Variants in MELK observed in about 807,000 individuals in gnomAD.
MELK encodes the protein maternal embryonic leucine zipper kinase.
A neutral mutation model predicts 85.0 loss-of-function variants in MELK; 81 were observed. That is an observed-to-expected ratio of 0.95 (90% CI 0.80 to 1.15). MELK has a LOEUF of 1.15. Ranked by LOEUF, MELK falls within the 50% of genes most tolerant of loss-of-function variation. The pLI is 0.00. For synonymous variants in MELK, 252 were observed against 265.0 expected (o/e 0.95, Z 0.48); for missense variants, 754 against 777.5 (o/e 0.97, Z 0.36).
chr9:36,657,858 C>T (rs1341226817), intron 13 of MELK, among the ~76,000 whole-genome samples: 1 of 152,214 alleles, frequency 6.6e-6, no homozygotes, highest in Non-Finnish European at 1.5e-5. Flanking sequence ...GCTGGGATTA[C>T]AGGCGTGAGC....
chr9:36,669,237 T>G, intron 14 of MELK, 73 bp from the exon 15 acceptor site: 1 of 952,720 alleles, frequency 1.0e-6, no homozygotes, highest in Non-Finnish European at 1.6e-6. Context: ...ATACCTGCAT[T>G]ATTATTAATA....
At chr9:36,617,062 A>T (rs959913195) in intron 8 of MELK, among the ~76,000 whole-genome samples, 3 of 152,164 alleles carry the variant, frequency 2.0e-5, no homozygotes, top group African/African-American at 7.2e-5. Context: ...GTACATTGTG[A>T]ATATAATAAA....
At chr9:36,676,307 C>T (rs1361313504) in intron 17 of MELK, among the ~76,000 whole-genome samples, 1 of 152,182 alleles carries the variant, frequency 6.6e-6, no homozygotes, top group Non-Finnish European at 1.5e-5. Context: ...ATCTGTGGAA[C>T]AGCACTTAAT....
chr9:36,576,619 C>T (rs1226592986), intron 1 of MELK, among the ~76,000 whole-genome samples: 2 of 152,142 alleles, frequency 1.3e-5, no homozygotes, highest in East Asian at 3.9e-4. Context: ...GCAACCTCCA[C>T]CTCCTGGGTT....
In MELK at chr9:36,615,071, A is replaced by AC. The variant is rs1321109637; in HGVS notation, c.666+7408dup. Among the ~76,000 whole-genome samples, 461 of 60,448 alleles carry AC rather than the reference A, an allele frequency of 7.6e-3. 44 individuals are homozygous for AC. The highest frequency in any genetic ancestry group is 0.022 in the African/African-American group (205 of 9,126). The allele number at this position is 60,448 out of a possible 152,430, so 39.7% of individuals were successfully genotyped here. On this transcript the variant is annotated intron_variant, in intron 8 of 17. Coordinates refer to ENST00000298048, the MANE Select transcript of MELK (RefSeq NM_014791.4). ...GGCAGCTGGCCGGGCGGGGGGGCTG[A>AC]CCCCCCCCCCACCTCCCTCCCGGAC...
At chr9:36,617,428 G>A (rs1826946972) in intron 8 of MELK, among the ~76,000 whole-genome samples, 1 of 151,726 alleles carries the variant, frequency 6.6e-6, no homozygotes, top group African/African-American at 2.4e-5. Context: ...AATTTCCTGG[G>A]CTCAAGTGAT....
chr9:36,581,730 A>G lies in MELK; in HGVS notation c.49A>G (p.Ile17Val). 1.3e-6 allele frequency: 2 copies of G among 1,592,566 alleles called. No individual in the cohort carries two copies. The highest frequency in any genetic ancestry group is 1.7e-6 in the Non-Finnish European group (2 of 1,161,550). ...CAAATATTATGAATTACATGAAACT[A>G]TTGGGACAGGTAATTGTTATTTTTT... ...LLKYYELHET[I>V]GTGGFAKVKL... Residue 17 changes from isoleucine (I) to valine (V), a missense_variant, in exon 2 of 18, where the codon ATT becomes GTT. Ile to Val is a conservative substitution (Grantham distance 29). Transcript: ENST00000298048.
intron 11 of MELK, among the ~76,000 whole-genome samples, chr9:36,650,775 C>G (rs1239107717): frequency 6.6e-6 from 1 of 152,176 alleles, no homozygotes; most frequent in Non-Finnish European, 1.5e-5. Context: ...TGAAAGGAAT[C>G]CCTAGACTGA....
intron 15 of MELK, 30 bp from the exon 16 acceptor site, chr9:36,670,968 A>C: frequency 6.3e-7 from 1 of 1,587,328 alleles, no homozygotes; most frequent in Non-Finnish European, 8.6e-7. Flanking sequence ...GCCCAGCTCT[A>C]CTTGTGCCTT....
rs747435407 is a variant in MELK, at chr9:36,607,779, C to T, written c.666+106C>T. On this transcript the variant is annotated intron_variant, in intron 8 of 17. Transcript: ENST00000298048. ...AAACAGGCATAAAAGTTATTCTCTGCTGTTAGAAGTCAAAATCTTAGTTAT... is the reference window on the plus strand; with the variant it reads ...AAACAGGCATAAAAGTTATTCTCTGTTGTTAGAAGTCAAAATCTTAGTTAT... 4.9e-6 allele frequency: 4 copies of T among 819,194 alleles called. No homozygotes were observed. The South Asian group carries it at 4.9e-5, about 10-fold the overall frequency. 50.7% of individuals were successfully genotyped at this position (819,194 alleles called of 1,614,324 possible).
chr9:36,580,785 A>G (rs1184990184), intron 1 of MELK, among the ~76,000 whole-genome samples: 2 of 150,144 alleles, frequency 1.3e-5, no homozygotes, highest in Non-Finnish European at 3.0e-5. Context: ...CTAGAGTGCA[A>G]TGGCACGATG....
chr9:36,582,032 C>T (rs1246320966), intron 2 of MELK, among the ~76,000 whole-genome samples: 10 of 151,122 alleles, frequency 6.6e-5, no homozygotes, highest in South Asian at 2.1e-4. Flanking sequence ...AGTGCAGTGG[C>T]GCGATCTTGG....
chr9:36,575,843 T>G (rs558851382), intron 1 of MELK, among the ~76,000 whole-genome samples: 13 of 152,364 alleles, frequency 8.5e-5, no homozygotes, highest in Middle Eastern at 3.4e-3. Context: ...TTGCATGGAA[T>G]GTAAACATGT....
chr9:36,592,679 A>C (rs2135402590), intron 4 of MELK, among the ~76,000 whole-genome samples: 1 of 152,268 alleles, frequency 6.6e-6, no homozygotes, highest in African/African-American at 2.4e-5. Context: ...CCATCTGAGC[A>C]CATTCAGATA....
chr9:36,587,376 G>T (rs2135228705), intron 3 of MELK, among the ~76,000 whole-genome samples: 1 of 152,008 alleles, frequency 6.6e-6, no homozygotes, highest in East Asian at 1.9e-4. Flanking sequence ...GAGTGCAGGG[G>T]TGTGATCTCA....
At chr9:36,594,945 G>A (rs1032818331) in intron 5 of MELK, among the ~76,000 whole-genome samples, 174 bp downstream of exon 5, 3 of 136,290 alleles carry the variant, frequency 2.2e-5, no homozygotes. Context: ...TTTTTTTTTG[G>A]AGGTGGTGTC....
chr9:36,606,722 C>CAT (rs1267289473), intron 7 of MELK: 5 of 146,804 alleles, frequency 3.4e-5, no homozygotes, highest in African/African-American at 9.9e-5. Context: ...GACATGCATG[C>CAT]ATATATATGT....
At chr9:36,586,025 T>C (rs1398467839) in intron 3 of MELK, among the ~76,000 whole-genome samples, 1 of 152,110 alleles carries the variant, frequency 6.6e-6, no homozygotes, top group Non-Finnish European at 1.5e-5. Flanking sequence ...GTTAAAGATA[T>C]AAGTTCTGAT....
At chr9:36,632,563 A>G (rs913901434) in intron 9 of MELK, among the ~76,000 whole-genome samples, 6 of 152,186 alleles carry the variant, frequency 3.9e-5, no homozygotes, top group African/African-American at 1.4e-4. Context: ...CAGACCACCA[A>G]ATCTCCGTAA....
Sources: gnomAD v4.1 joint callset for allele counts (sites outside exome capture counted in the v4.1 genomes callset) on GRCh38, gnomAD v4.1.1 for gene constraint, MANE v1.5 for transcripts, NCBI Gene and HGNC (gene_info 2026-07-23, HGNC 2026-07-21) for gene names.